The following NPAS3 variants were observed in gnomAD, a reference collection of about 807,000 sequenced individuals.
The protein encoded by NPAS3 is neuronal PAS domain protein 3.
In NPAS3, 14 loss-of-function variants were observed where a neutral mutation model predicts 73.1. That is an observed-to-expected ratio of 0.19 (90% CI 0.13 to 0.30). NPAS3 has a LOEUF of 0.30. Ranked by LOEUF, NPAS3 falls within the 10% of genes least tolerant of loss-of-function variation. The pLI is 1.00. For synonymous variants in NPAS3, 620 were observed against 541.5 expected, an observed-to-expected ratio of 1.14 and a Z score of -2.01; for missense variants, 1,096 against 1,250.0, an observed-to-expected ratio of 0.88 and a Z score of 1.86.
At chr14:33,711,385 C>T (rs1163449721) in intron 6 of NPAS3, among the ~76,000 whole-genome samples, 7 of 152,046 alleles carry the variant, frequency 4.6e-5, no homozygotes, top group Non-Finnish European at 8.8e-5. Context: ...AAGTTGGGGC[C>T]TTTTAAAATG....
chr14:33,257,749 T>C (rs1594527855), intron 3 of NPAS3, among the ~76,000 whole-genome samples: 1 of 152,182 alleles, frequency 6.6e-6, no homozygotes, highest in African/African-American at 2.4e-5. Context: ...TTTATGACAA[T>C]AAAAGTTACT....
chr14:33,267,027 T>C (rs1359029381), intron 3 of NPAS3, among the ~76,000 whole-genome samples: 1 of 152,178 alleles, frequency 6.6e-6, no homozygotes, highest in African/African-American at 2.4e-5. Flanking sequence ...CAGCTTGACA[T>C]TTGTTATTAT....
intron 5 of NPAS3, among the ~76,000 whole-genome samples, chr14:33,675,948 A>G (rs528799373): frequency 7.2e-5 from 11 of 152,104 alleles, no homozygotes; most frequent in Non-Finnish European, 1.6e-4. Context: ...ATTTCACAGA[A>G]TGTTTGGCTT....
At chr14:33,426,595 C>T (rs952271535) in intron 4 of NPAS3, among the ~76,000 whole-genome samples, 2 of 151,864 alleles carry the variant, frequency 1.3e-5, no homozygotes, top group African/African-American at 4.8e-5. Context: ...AGCGAGGATA[C>T]TTAGGATATT....
intron 3 of NPAS3, among the ~76,000 whole-genome samples, chr14:33,246,428 A>C (rs1030989831): frequency 2.0e-5 from 3 of 150,408 alleles, no homozygotes; most frequent in African/African-American, 7.4e-5. Context: ...AGTCCCAGCT[A>C]CTTGGGAGGC....
At chr14:33,187,000 A>C (rs923163716) in intron 2 of NPAS3, among the ~76,000 whole-genome samples, 1 of 152,186 alleles carries the variant, frequency 6.6e-6, no homozygotes, top group Admixed American at 6.5e-5. Flanking sequence ...CAATTGAGAC[A>C]AGGTTGAGAA....
chr14:33,461,555 C>T (rs889133383), intron 4 of NPAS3, among the ~76,000 whole-genome samples: 1 of 152,062 alleles, frequency 6.6e-6, no homozygotes, highest in African/African-American at 2.4e-5. Flanking sequence ...AAAATCACAC[C>T]CTGATGGGCA....
chr14:33,626,601 G>A (rs1192562183), intron 5 of NPAS3, among the ~76,000 whole-genome samples: 1 of 152,136 alleles, frequency 6.6e-6, no homozygotes, highest in Non-Finnish European at 1.5e-5. Flanking sequence ...ATGTCTGCTA[G>A]CCTGCATTAA....
chr14:33,142,191 CTTTT>C (rs10709910), intron 2 of NPAS3, among the ~76,000 whole-genome samples: 2 of 38,098 alleles, frequency 5.2e-5, no homozygotes, highest in African/African-American at 1.1e-4. Flanking sequence ...TTTGTATAAG[CTTTT>C]TTTTTTTTTT....
chr14:33,341,370 C>G (rs2044469350), intron 3 of NPAS3, among the ~76,000 whole-genome samples: 1 of 152,136 alleles, frequency 6.6e-6, no homozygotes, highest in African/African-American at 2.4e-5. Flanking sequence ...AACGTTATTT[C>G]TTTTTTGTTC....
At chr14:33,777,987 A>G (rs2062873453) in intron 8 of NPAS3, among the ~76,000 whole-genome samples, 1 of 152,230 alleles carries the variant, frequency 6.6e-6, no homozygotes. Flanking sequence ...TGAAATGCCA[A>G]TTTGGACTTT....
chr14:33,085,139 G>A (rs536269549), intron 2 of NPAS3, among the ~76,000 whole-genome samples: 11 of 152,252 alleles, frequency 7.2e-5, no homozygotes, highest in South Asian at 2.1e-4. Context: ...ACCATGTTGC[G>A]TGAGATTTGT....
upstream of NPAS3, chr14:32,939,258 C>T: frequency 1.5e-6 from 1 of 682,492 alleles, no homozygotes; most frequent in South Asian, 1.5e-5. Context: ...CGCCCACGCC[C>T]CCCACCCGGG....
chr14:33,141,614 A>G (rs955937621), intron 2 of NPAS3, among the ~76,000 whole-genome samples: 3 of 152,214 alleles, frequency 2.0e-5, no homozygotes, highest in Non-Finnish European at 2.9e-5. Context: ...TCATATCATT[A>G]AATATTTTAA....
intron 2 of NPAS3, among the ~76,000 whole-genome samples, chr14:33,198,416 C>A (rs1459461735): frequency 1.3e-5 from 2 of 152,128 alleles, no homozygotes; most frequent in Non-Finnish European, 2.9e-5. Flanking sequence ...ATTTACAATT[C>A]CTGAGCTAGA....
intron 1 of NPAS3, among the ~76,000 whole-genome samples, chr14:33,038,091 C>A (rs921709407): frequency 6.6e-6 from 1 of 152,144 alleles, no homozygotes; most frequent in Non-Finnish European, 1.5e-5. Flanking sequence ...CCTATCTGAG[C>A]TTTTTAAGTT....
At chr14:33,643,741 T>C (rs752015972) in intron 5 of NPAS3, among the ~76,000 whole-genome samples, 3 of 152,354 alleles carry the variant, frequency 2.0e-5, no homozygotes, top group African/African-American at 2.4e-5. Flanking sequence ...CAGGAGAGTG[T>C]ATGCTGGGAG....
At chr14:32,957,242 T>C (rs2036706374) in intron 1 of NPAS3, among the ~76,000 whole-genome samples, 1 of 152,204 alleles carries the variant, frequency 6.6e-6, no homozygotes, top group African/African-American at 2.4e-5. Context: ...TAATTACTGG[T>C]TATTTCACTG....
At chr14:33,000,571 G>T (rs527978181) in intron 1 of NPAS3, among the ~76,000 whole-genome samples, 1 of 152,180 alleles carries the variant, frequency 6.6e-6, no homozygotes, top group East Asian at 1.9e-4. Flanking sequence ...CACTGACAGC[G>T]TAGGGCAATA....
Sources: allele counts gnomAD v4.1 joint callset (sites outside exome capture counted in the v4.1 genomes callset), GRCh38; gene constraint gnomAD v4.1.1; transcripts MANE v1.5; gene names NCBI Gene and HGNC (gene_info 2026-07-23, HGNC 2026-07-21).